Variants in EIF4G2 observed in about 807,000 individuals in gnomAD.
EIF4G2 encodes DAP-5.
Under a neutral mutation model 117.7 loss-of-function variants are expected in EIF4G2, and 8 were observed. The ratio of observed to expected loss-of-function variants is 0.07; its 90% CI spans 0.04 to 0.12. EIF4G2 has a LOEUF of 0.12. Ranked by LOEUF, EIF4G2 falls within the 10% of genes least tolerant of loss-of-function variation. The pLI is 1.00. For missense variants in EIF4G2, 812 were observed against 1,086.2 expected (o/e 0.75, Z 3.55); for synonymous variants, 413 against 367.8 (o/e 1.12, Z -1.41).
rs573212414 is a variant in EIF4G2 at position 10,803,997 on chromosome 11, T to C, written c.604A>G (p.Ile202Val). The change falls in exon 8 of 22, where the codon ATT (isoleucine) becomes GTT (valine). Residue 202 changes from isoleucine (I) to valine (V), a missense_variant. By Grantham distance (29) the Ile-to-Val change is conservative. Around this residue, in one of 4 missense-constraint regions of EIF4G2, gnomAD observed 154 missense variants for 322.1 expected, o/e 0.48. Coordinates refer to ENST00000339995, the MANE Select transcript of EIF4G2 (RefSeq NM_001418.4). This position sits in a 1 kb window ranked among gnomAD's most constrained non-coding sequence, Gnocchi z 4.0. ...TTTCCCAACATCTTGATCTTAGCAA[T>C]GGCTCTCTGTTCCTCCTCCTCGGGG... 3 of 1,614,194 alleles carry C rather than the reference T, an allele frequency of 1.9e-6. No homozygotes were observed. The highest frequency in any genetic ancestry group is 1.3e-5 in the African/African-American group (1 of 75,058).
intron 3 of EIF4G2, chr11:10,806,550 G>A (rs773917376): frequency 1.4e-5 from 6 of 434,940 alleles, no homozygotes; most frequent in Non-Finnish European, 2.1e-5. Flanking sequence ...ACAATCAGTA[G>A]GAATAATAGC....
At chr11:10,806,230 TAC>T in intron 3 of EIF4G2, 183 bp from the exon 4 acceptor site, 6 of 788,622 alleles carry the variant, frequency 7.6e-6, no homozygotes, top group Middle Eastern at 3.8e-4. Flanking sequence ...GGCTTGTTAA[TAC>T]AGATTGCTGG....
intron 13 of EIF4G2, 60 bp downstream of exon 13, chr11:10,801,989 A>G: frequency 4.0e-5 from 1 of 25,088 alleles, no homozygotes. Flanking sequence ...TAAACATTTC[A>G]GTTTGAAATA....
At chr11:10,806,980 T>TGGGG in intron 2 of EIF4G2, 95 bp from the exon 3 acceptor site, 1 of 1,441,238 alleles carries the variant, frequency 6.9e-7, no homozygotes. Context: ...CTTGTAGAGA[T>TGGGG]GGGGGTCTCG....
Position 10,800,555 on chromosome 11 carries a change from A to G in EIF4G2, c.1737T>C (p.Pro579=). 6.2e-7 allele frequency: 1 copy of G among 1,614,140 alleles called. No individual in the cohort carries two copies. The highest frequency in any genetic ancestry group is 8.5e-7 in the Non-Finnish European group (1 of 1,180,008). ...GGATGATTACTTTGCTTAACATCTC[A>G]GGAAGAAAGTGTTTAGGAGCCCTCA... The change falls in exon 17 of 22, where the codon CCT becomes CCC. Residue 579 remains proline, a synonymous_variant. Coordinates refer to ENST00000339995, the MANE Select transcript of EIF4G2 (RefSeq NM_001418.4).
intron 21 of EIF4G2, 102 bp downstream of exon 21, chr11:10,798,890 T>G (rs1847340249): frequency 6.5e-6 from 9 of 1,382,120 alleles, no homozygotes; most frequent in Middle Eastern, 1.9e-4. Context: ...AACTACTAAC[T>G]AGGACTACCT....
intron 1 of EIF4G2, chr11:10,808,204 A>AG: frequency 8.9e-7 from 1 of 1,124,166 alleles, no homozygotes; most frequent in Non-Finnish European, 1.1e-6. Context: ...TGCTGACAAA[A>AG]GGGGCAGAAA....
At chr11:10,801,621 T>A (rs543356735) in intron 14 of EIF4G2, 40 bp downstream of exon 14, 6 of 1,568,030 alleles carry the variant, frequency 3.8e-6, no homozygotes, top group Non-Finnish European at 5.3e-6. Context: ...AATTTCTGAA[T>A]GGACAAACTA....
intron 21 of EIF4G2, among the ~76,000 whole-genome samples, chr11:10,798,155 TG>T (rs1343383558): frequency 2.6e-5 from 4 of 152,180 alleles, no homozygotes; most frequent in Admixed American, 2.0e-4. Context: ...TTCTCAAGCC[TG>T]GGCCCCCTGG....
chr11:10,807,019 G>A, intron 2 of EIF4G2, 134 bp from the exon 3 acceptor site: 1 of 1,159,306 alleles, frequency 8.6e-7, no homozygotes, highest in South Asian at 1.4e-5. Context: ...AGCCAGGCCT[G>A]TATTTTAGTG....
chr11:10,800,450 T>A lies in EIF4G2; in HGVS notation c.1842A>T (p.Thr614=), dbSNP rs1220050278. 6.2e-7 allele frequency: 1 copy of A among 1,614,104 alleles called. No homozygotes were observed. The highest frequency in any genetic ancestry group is 8.5e-7 in the Non-Finnish European group (1 of 1,180,024). Residue 614 remains threonine (T), a synonymous_variant, in exon 17 of 22, where the codon ACA becomes ACT. Coordinates refer to ENST00000339995, the MANE Select transcript of EIF4G2 (RefSeq NM_001418.4). The stretch of plus-strand genomic sequence containing the variant: ...GTCCTACCTGCATGAAGTTGTCACT[T>A]GTGGCTATCCCTTCCTGTTTGAGTA...
At chr11:10,807,732 G>T in intron 1 of EIF4G2, 1 of 992,874 alleles carries the variant, frequency 1.0e-6, no homozygotes, top group Non-Finnish European at 1.2e-6. Context: ...TCTGCCCTAG[G>T]AATTTTTACT....
At position 10,804,954 on chromosome 11, in the gene EIF4G2, C is replaced by A; in HGVS notation, c.310G>T (p.Gly104Cys). The A allele has an allele frequency of 6.2e-7, 1 of 1,614,064 alleles. No individual in the cohort carries two copies. The highest frequency in any genetic ancestry group is 8.5e-7 in the Non-Finnish European group (1 of 1,179,974). Reference sequence around the variant, plus strand: ...TTAAGGATGAGTTTAGACTCTACACCCACATTGAGGAGCTCAAGGCATAGC... The same window carrying A: ...TTAAGGATGAGTTTAGACTCTACACACACATTGAGGAGCTCAAGGCATAGC... The change falls in exon 5 of 22, where the codon GGT (glycine) becomes TGT (cysteine). Residue 104 changes from glycine (G) to cysteine (C), a missense_variant. Physicochemically the swap from Gly to Cys is radical, Grantham distance 159 (BLOSUM62 -3). This residue lies in a region of EIF4G2 where 154 missense variants were observed against 322.1 expected (regional missense o/e 0.48). Transcript: ENST00000339995.
chr11:10,804,605 T>A, intron 5 of EIF4G2, 187 bp from the exon 6 acceptor site: 2 of 737,310 alleles, frequency 2.7e-6, no homozygotes, highest in Non-Finnish European at 2.1e-6. Flanking sequence ...AACTTTCAAG[T>A]CTACATAAAC....
In EIF4G2 at chr11:10,797,527, G is replaced by T; in HGVS notation, c.*289C>A. ...GCCTATGATAACTGGCAGCAAAGAA[G>T]GTCCTTGCAATAGACTGCCTCTGCT... On this transcript the variant is annotated 3_prime_UTR_variant, in exon 22 of 22. Transcript: ENST00000339995. This position sits in a 1 kb window ranked among gnomAD's most constrained non-coding sequence, Gnocchi z 4.5. 2 of 337,588 alleles carry T rather than the reference G, an allele frequency of 5.9e-6. No individual in the cohort carries two copies. The highest frequency in any genetic ancestry group is 1.1e-5 in the Non-Finnish European group (2 of 183,766). The allele number at this position is 337,588 out of a possible 1,614,324, so 20.9% of individuals were successfully genotyped here.
chr11:10,801,887 A>G (rs1469279011), intron 13 of EIF4G2, 113 bp from the exon 14 acceptor site: 17 of 1,195,098 alleles, frequency 1.4e-5, no homozygotes, highest in African/African-American at 3.1e-5. Context: ...GAATTTGCCC[A>G]GAGAAAGTAA....
At chr11:10,804,712 C>T in intron 5 of EIF4G2, 1 of 602,184 alleles carries the variant, frequency 1.7e-6, no homozygotes, top group South Asian at 2.3e-5. Flanking sequence ...TCAACCATAC[C>T]ATGAACTTAA....
chr11:10,805,616 C>T (rs188788893), intron 4 of EIF4G2, among the ~76,000 whole-genome samples: 1 of 152,210 alleles, frequency 6.6e-6, no homozygotes, highest in Non-Finnish European at 1.5e-5. Flanking sequence ...CTACGTCCGG[C>T]TAATTTTTGT....
chr11:10,805,080 T>A (rs979272352), intron 4 of EIF4G2, 65 bp from the exon 5 acceptor site: 6 of 1,267,462 alleles, frequency 4.7e-6, no homozygotes, highest in Non-Finnish European at 6.9e-6. Flanking sequence ...GAAAAACTGC[T>A]TTTAAATTAT....
Sources: allele counts gnomAD v4.1 joint callset (sites outside exome capture counted in the v4.1 genomes callset), GRCh38; gene constraint gnomAD v4.1.1; regional missense constraint gnomAD v4.1.1; non-coding constraint Gnocchi (gnomAD v3.1); transcripts MANE v1.5; gene names NCBI Gene and HGNC (gene_info 2026-07-23, HGNC 2026-07-21).